The following MARCHF1 variants were observed in gnomAD, a reference collection of about 807,000 sequenced individuals.
The protein encoded by MARCHF1 is membrane associated ring-CH-type finger 1.
MARCHF1 carries 40 observed loss-of-function variants against 54.2 expected under a neutral mutation model. The ratio of observed to expected loss-of-function variants is 0.74; its 90% CI spans 0.57 to 0.96. The LOEUF (loss-of-function observed/expected upper bound fraction) is 0.96. Ranked by LOEUF, MARCHF1 falls within the 40% of genes least tolerant of loss-of-function variation. The pLI is 0.00. For synonymous variants in MARCHF1, 236 were observed against 236.3 expected (o/e 1.00, Z 0.01); for missense variants, 586 against 656.5 (o/e 0.89, Z 1.17).
chr4:163,810,380 G>GA (rs1748350444), intron 4 of MARCHF1, among the ~76,000 whole-genome samples: 1 of 152,120 alleles, frequency 6.6e-6, no homozygotes, highest in Admixed American at 6.6e-5. Flanking sequence ...ACTTTCCCAT[G>GA]ATGTTTGTTT....
rs1039322950 is a variant in MARCHF1 at position 163,841,955 on chromosome 4, T to A, written c.111+12066A>T. On this transcript the variant is annotated intron_variant, in intron 4 of 9. Coordinates refer to ENST00000514618, the MANE Select transcript of MARCHF1 (RefSeq NM_001394959.1). ...CACAAAGCTGTACTTATGGATTATTTCACCTAATAATTACAGTTGACAATT... is the reference window on the plus strand; with the variant it reads ...CACAAAGCTGTACTTATGGATTATTACACCTAATAATTACAGTTGACAATT... Among the ~76,000 whole-genome samples the A allele has an allele frequency of 2.8e-4, 42 of 152,122 alleles. 1 individual carries two copies. Among genetic ancestry groups the A allele is most frequent in the African/African-American group, 9.4e-4 (39 of 41,430 alleles).
At chr4:163,729,619 G>T (rs114257384) in intron 4 of MARCHF1, among the ~76,000 whole-genome samples, 2,308 of 152,088 alleles carry the variant, frequency 0.015, 39 homozygotes, top group Non-Finnish European at 0.02. Flanking sequence ...TTTCATCAAG[G>T]TTATCAAGTT....
chr4:163,613,954 T>G (rs372782218), intron 5 of MARCHF1, among the ~76,000 whole-genome samples: 11 of 152,168 alleles, frequency 7.2e-5, no homozygotes, highest in Non-Finnish European at 1.5e-5. Context: ...TGGCCTTTCA[T>G]ATCTTTTAAC....
At chr4:164,067,605 T>A (rs1299314110) in intron 2 of MARCHF1, among the ~76,000 whole-genome samples, 3 of 152,196 alleles carry the variant, frequency 2.0e-5, no homozygotes, top group Non-Finnish European at 4.4e-5. Flanking sequence ...GATTTAAATG[T>A]AAGACCTCAA....
rs1009596081 is a variant in MARCHF1 at position 164,003,792 on chromosome 4, A to C, written c.-247-15083T>G. ...CCAGCAATCCCATTACTAGGTATAC[A>C]ATGAAAGGAATATAAATCATTCTAT... On this transcript the variant is annotated intron_variant, in intron 2 of 9. Coordinates refer to ENST00000514618, the MANE Select transcript of MARCHF1 (RefSeq NM_001394959.1). Among the ~76,000 whole-genome samples the C allele has an allele frequency of 5.9e-5, 9 of 152,166 alleles. No homozygotes were observed. In the South Asian group the frequency reaches 1.0e-3, roughly 18 times the overall value.
At chr4:163,992,854 C>A (rs1420900434) in intron 2 of MARCHF1, among the ~76,000 whole-genome samples, 2 of 150,162 alleles carry the variant, frequency 1.3e-5, no homozygotes, top group Non-Finnish European at 3.0e-5. Context: ...AAGATAAGAA[C>A]CTTAAGTTAT....
At chr4:164,258,917 C>A (rs541677244) in intron 1 of MARCHF1, among the ~76,000 whole-genome samples, 165 of 152,002 alleles carry the variant, frequency 1.1e-3, no homozygotes, top group African/African-American at 3.7e-3. Context: ...ACTTATGTAT[C>A]AACAAAATGA....
chr4:164,317,188 G>A (rs527461720), intron 1 of MARCHF1, among the ~76,000 whole-genome samples: 11 of 152,106 alleles, frequency 7.2e-5, no homozygotes, highest in Non-Finnish European at 1.5e-4. Flanking sequence ...TATATTATGT[G>A]CAAATTATTA....
At chr4:164,272,514 G>T (rs757349642) in intron 1 of MARCHF1, among the ~76,000 whole-genome samples, 22 of 151,980 alleles carry the variant, frequency 1.4e-4, no homozygotes, top group Non-Finnish European at 2.8e-4. Flanking sequence ...AGAAGCTGAA[G>T]AAGAATATAT....
chr4:163,624,006 T>C (rs1188422336), intron 5 of MARCHF1, among the ~76,000 whole-genome samples: 4 of 152,124 alleles, frequency 2.6e-5, no homozygotes, highest in Non-Finnish European at 5.9e-5. Context: ...GTGAATGGGA[T>C]GGTGATAATA....
intron 4 of MARCHF1, among the ~76,000 whole-genome samples, chr4:163,704,646 C>T (rs1478676089): frequency 1.3e-5 from 2 of 151,104 alleles, no homozygotes; most frequent in Non-Finnish European, 3.0e-5. Context: ...TTATATAATA[C>T]TTGGTCCAAA....
At chr4:164,264,650 T>C (rs1312511132) in intron 1 of MARCHF1, among the ~76,000 whole-genome samples, 1 of 152,142 alleles carries the variant, frequency 6.6e-6, no homozygotes, top group Non-Finnish European at 1.5e-5. Flanking sequence ...CTGGACGCAG[T>C]GGCTCACACC....
In MARCHF1 at chr4:164,147,358, A is replaced by G. The variant is rs528104996; in HGVS notation, c.-322-35696T>C. 4.7e-5 allele frequency among the ~76,000 whole-genome samples: 7 copies of G among 148,520 alleles called. No homozygotes were observed. The East Asian group carries it at 7.8e-4, about 17-fold the overall frequency. ...AAAGGACTATAAATCATGCTGCTAT[A>G]AAGACACATGCGCACGTATGTTTAT... On this transcript the variant is annotated intron_variant, in intron 1 of 9. Transcript: ENST00000514618.
intron 1 of MARCHF1, among the ~76,000 whole-genome samples, chr4:164,147,729 G>A (rs1484977210): frequency 5.5e-5 from 8 of 144,774 alleles, no homozygotes; most frequent in Non-Finnish European, 1.2e-4. Context: ...GCTAGATGAC[G>A]AGTTAGTGGG....
At chr4:164,146,520 A>G (rs1250331483) in intron 1 of MARCHF1, among the ~76,000 whole-genome samples, 8 of 152,226 alleles carry the variant, frequency 5.3e-5, no homozygotes, top group East Asian at 1.9e-4. Flanking sequence ...ATAACGCTGC[A>G]TATCTACAAG....
intron 5 of MARCHF1, among the ~76,000 whole-genome samples, chr4:163,649,877 A>C (rs1210453401): frequency 6.6e-6 from 1 of 151,986 alleles, no homozygotes; most frequent in Non-Finnish European, 1.5e-5. Context: ...CTGAATAAGC[A>C]CAACCCAGTT....
intron 1 of MARCHF1, among the ~76,000 whole-genome samples, chr4:164,135,061 T>C (rs898538016): frequency 6.6e-6 from 1 of 152,192 alleles, no homozygotes; most frequent in Non-Finnish European, 1.5e-5. Flanking sequence ...TAAAAAGACA[T>C]AGTCCTCCTG....
chr4:164,106,542 C>T (rs370846561), intron 2 of MARCHF1, among the ~76,000 whole-genome samples: 5 of 137,834 alleles, frequency 3.6e-5, no homozygotes, highest in Non-Finnish European at 7.7e-5. Context: ...CGCATATTCT[C>T]ACTCATAGGT....
chr4:164,233,977 A>G (rs1057493011), intron 1 of MARCHF1, among the ~76,000 whole-genome samples: 1 of 152,210 alleles, frequency 6.6e-6, no homozygotes, highest in Admixed American at 6.5e-5. Context: ...TTATCAATTA[A>G]AGTTCAAATC....
Sources: gnomAD v4.1 joint callset for allele counts (sites outside exome capture counted in the v4.1 genomes callset) on GRCh38, gnomAD v4.1.1 for gene constraint, MANE v1.5 for transcripts, NCBI Gene and HGNC (gene_info 2026-07-23, HGNC 2026-07-21) for gene names.